Variants in CAMTA1 observed in about 807,000 individuals in gnomAD.
CAMTA1 encodes the protein calmodulin-binding transcription activator 1.
Under a neutral mutation model 170.9 loss-of-function variants are expected in CAMTA1, and 27 were observed. The ratio of observed to expected loss-of-function variants is 0.16; its 90% confidence interval spans 0.12 to 0.22. The LOEUF is 0.22. Ranked by LOEUF, CAMTA1 falls within the 10% of genes least tolerant of loss-of-function variation. The pLI is 1.00. For synonymous variants in CAMTA1, 833 were observed against 891.5 expected, an observed-to-expected ratio of 0.93 and a Z score of 1.17; for missense variants, 1,619 against 2,217.2, an observed-to-expected ratio of 0.73 and a Z score of 5.42.
chr1:7,514,324 A>G (rs1436448320), intron 6 of CAMTA1, among the ~76,000 whole-genome samples: 1 of 152,242 alleles, frequency 6.6e-6, no homozygotes, highest in Non-Finnish European at 1.5e-5. Flanking sequence ...AACACAGGGC[A>G]GACAGGCAGT....
chr1:7,410,704 G>A (rs1022414004), intron 5 of CAMTA1, among the ~76,000 whole-genome samples: 10 of 152,164 alleles, frequency 6.6e-5, no homozygotes, highest in African/African-American at 2.4e-4. Flanking sequence ...ACTTGATGAC[G>A]TCCCCACAGC....
At chr1:6,818,193 C>T (rs1646056835) in intron 1 of CAMTA1, among the ~76,000 whole-genome samples, 1 of 152,048 alleles carries the variant, frequency 6.6e-6, no homozygotes, top group East Asian at 1.9e-4. Context: ...ACAAATTAGC[C>T]AGGCATGGTG....
In CAMTA1 at chr1:7,050,894, T is replaced by G. The variant is rs1706238881; in HGVS notation, c.235-40410T>G. Among the ~76,000 whole-genome samples, 1 of 152,156 alleles carries G rather than the reference T, an allele frequency of 6.6e-6. No homozygotes were observed. Among genetic ancestry groups the G allele is most frequent in the Non-Finnish European group, 1.5e-5 (1 of 68,018 alleles). Reference sequence around the variant, plus strand: ...GCACAGGAGCGCTGGCCATTCGTCTTGAGGCCCCACTGCAGGGAGCAGCGC... The same window carrying G: ...GCACAGGAGCGCTGGCCATTCGTCTGGAGGCCCCACTGCAGGGAGCAGCGC... On this transcript the variant is annotated intron_variant, in intron 3 of 22. Transcript: ENST00000303635. This position sits in a 1 kb window ranked among gnomAD's most constrained non-coding sequence, Gnocchi z 4.8.
In CAMTA1 at chr1:7,757,489, G is replaced by A. The variant is rs369415621; in HGVS notation, c.4989+1821G>A. 1.9e-4 allele frequency among the ~76,000 whole-genome samples: 29 copies of A among 152,248 alleles called. No individual in the cohort carries two copies. The East Asian group carries it at 3.7e-3, about 19-fold the overall frequency. ...TAGATTTAAAAGCTTTAAAAGGGCC[G>A]GCCATGGTGGCTCATGCCTGTAATC... is the stretch of plus-strand genomic sequence containing the variant. On this transcript the variant is annotated intron_variant, in intron 22 of 22. Transcript: ENST00000303635.
At chr1:7,536,180 A>G (rs939343296) in intron 6 of CAMTA1, among the ~76,000 whole-genome samples, 3 of 152,142 alleles carry the variant, frequency 2.0e-5, no homozygotes, top group East Asian at 1.9e-4. Context: ...CATCGTGTGT[A>G]TTAAGTGACA....
chr1:7,204,197 C>T (rs1657256799), intron 4 of CAMTA1, among the ~76,000 whole-genome samples: 1 of 151,966 alleles, frequency 6.6e-6, no homozygotes, highest in African/African-American at 2.4e-5. Flanking sequence ...TTATTATTTT[C>T]TTCCTTCTGC....
intron 1 of CAMTA1, among the ~76,000 whole-genome samples, chr1:6,810,106 G>T (rs1232585264): frequency 1.3e-5 from 2 of 152,186 alleles, no homozygotes; most frequent in Non-Finnish European, 2.9e-5. Flanking sequence ...AAACAGCCCA[G>T]GGTGGAATCT....
intron 6 of CAMTA1, among the ~76,000 whole-genome samples, chr1:7,625,226 G>T (rs2150802809): frequency 6.6e-6 from 1 of 152,364 alleles, no homozygotes; most frequent in East Asian, 1.9e-4. Flanking sequence ...AGACCAGTCA[G>T]GAGGCTGATG....
In CAMTA1 at chr1:7,673,550, T is replaced by G. The variant is rs138174197; in HGVS notation, c.2779+2513T>G. Reference sequence around the variant, plus strand: ...TTTCTGGGTCCCCAGAGATGGCAGGTAGAGTCTCTGCCCAGGCCACTCACC... The same window carrying G: ...TTTCTGGGTCCCCAGAGATGGCAGGGAGAGTCTCTGCCCAGGCCACTCACC... On this transcript the variant is annotated intron_variant, in intron 10 of 22. Coordinates refer to ENST00000303635, the MANE Select transcript of CAMTA1 (RefSeq NM_015215.4). The surrounding 1 kb of genome is among the most constrained non-coding windows in gnomAD (Gnocchi z 4.6). Among the ~76,000 whole-genome samples, 691 of 152,232 alleles carry G rather than the reference T, an allele frequency of 4.5e-3. 5 individuals carry two copies. Among genetic ancestry groups the G allele is most frequent in the African/African-American group, 0.016 (670 of 41,554 alleles).
At chr1:6,943,228 C>T (rs781495736) in intron 3 of CAMTA1, among the ~76,000 whole-genome samples, 2 of 152,042 alleles carry the variant, frequency 1.3e-5, no homozygotes, top group East Asian at 1.9e-4. Flanking sequence ...CCTCCCTGAC[C>T]GTCCTCACCT....
chr1:7,002,942 AAAG>A (rs1698451658), intron 3 of CAMTA1, among the ~76,000 whole-genome samples: 1 of 152,218 alleles, frequency 6.6e-6, no homozygotes, highest in African/African-American at 2.4e-5. Flanking sequence ...AGGACAGCGC[AAAG>A]AAGCCATGAG....
At chr1:7,754,349 C>G (rs899681953) in intron 21 of CAMTA1, among the ~76,000 whole-genome samples, 1 of 152,188 alleles carries the variant, frequency 6.6e-6, no homozygotes, top group Non-Finnish European at 1.5e-5. Flanking sequence ...CTTTTTCCTC[C>G]TTTCTTCTAG....
At position 7,060,801 on chromosome 1, in the gene CAMTA1, T is replaced by C. The variant is rs868293288; in HGVS notation, c.235-30503T>C. 1.5e-4 allele frequency among the ~76,000 whole-genome samples: 23 copies of C among 152,332 alleles called. No homozygotes were observed. In the Middle Eastern group the frequency reaches 0.02, roughly 135 times the overall value. On this transcript the variant is annotated intron_variant, in intron 3 of 22. Coordinates refer to ENST00000303635, the MANE Select transcript of CAMTA1 (RefSeq NM_015215.4). ...AGACAAGGCTTCTGCATTGAAATTG[T>C]TCAAGAATTGGGTTCCAATTTCCCA...
intron 3 of CAMTA1, among the ~76,000 whole-genome samples, chr1:6,862,974 C>CT (rs1665312724): frequency 1.3e-5 from 2 of 152,192 alleles, no homozygotes; most frequent in African/African-American, 4.8e-5. Flanking sequence ...CAGAATTACA[C>CT]TAATTTGTTT....
At chr1:7,107,299 TGTGC>T (rs914562684) in intron 4 of CAMTA1, among the ~76,000 whole-genome samples, 62 of 151,030 alleles carry the variant, frequency 4.1e-4, no homozygotes, top group Non-Finnish European at 8.0e-4. Context: ...TGTGTGTGTG[TGTGC>T]GCGCCCACAC....
chr1:6,950,140 C>T (rs1301366093), intron 3 of CAMTA1, among the ~76,000 whole-genome samples: 1 of 152,168 alleles, frequency 6.6e-6, no homozygotes, highest in Non-Finnish European at 1.5e-5. Context: ...TCTCATCTGC[C>T]CAGGGGCAGG....
chr1:7,041,056 G>A lies in CAMTA1; in HGVS notation c.235-50248G>A, dbSNP rs140527665. ...TTTTTTAAGACAGGTGCGTGTGGGC[G>A]CAGGAGGCGGAGGGCCCTTATGCTG... On this transcript the variant is annotated intron_variant, in intron 3 of 22. Transcript: ENST00000303635. The surrounding 1 kb of genome is among the most constrained non-coding windows in gnomAD (Gnocchi z 5.1). Among the ~76,000 whole-genome samples, 1 of 152,242 alleles carries A rather than the reference G, an allele frequency of 6.6e-6. No homozygotes were observed. Among genetic ancestry groups the A allele is most frequent in the African/African-American group, 2.4e-5 (1 of 41,468 alleles).
intron 4 of CAMTA1, among the ~76,000 whole-genome samples, chr1:7,115,613 T>C (rs1345868461): frequency 1.6e-5 from 2 of 125,030 alleles, no homozygotes; most frequent in African/African-American, 3.3e-5. Flanking sequence ...GGAGAGCTGA[T>C]GATGTTGTTC....
chr1:7,506,524 C>T (rs1346776160), intron 6 of CAMTA1, among the ~76,000 whole-genome samples: 3 of 151,900 alleles, frequency 2.0e-5, no homozygotes, highest in African/African-American at 7.3e-5. Flanking sequence ...ACACTAACAT[C>T]TCATACTCAC....
Sources: gnomAD v4.1 joint callset for allele counts (sites outside exome capture counted in the v4.1 genomes callset) on GRCh38, gnomAD v4.1.1 for gene constraint, Gnocchi (gnomAD v3.1) non-coding constraint, MANE v1.5 for transcripts, NCBI Gene and HGNC (gene_info 2026-07-23, HGNC 2026-07-21) for gene names.